The following ERICH1 variants were observed in gnomAD, a reference collection of about 807,000 sequenced individuals.
The protein encoded by ERICH1 is glutamate-rich protein 1.
In ERICH1, 56 loss-of-function variants were observed where a neutral mutation model predicts 39.6. The ratio of observed to expected loss-of-function variants is 1.41; its 90% confidence interval spans 1.14 to 1.77. The LOEUF (loss-of-function observed/expected upper bound fraction) is 1.77, where lower values mean the gene tolerates loss of function less well. Among genes scored for constraint, ERICH1 ranks in the 40% most tolerant of loss-of-function variants. ERICH1 has a pLI of 0.00. For missense variants in ERICH1, 826 were observed against 575.4 expected (o/e 1.44, Z -4.45); for synonymous variants, 313 against 223.6 (o/e 1.40, Z -3.57).
intron 2 of ERICH1, among the ~76,000 whole-genome samples, chr8:695,368 G>A (rs149022288): frequency 2.0e-5 from 3 of 151,978 alleles, no homozygotes; most frequent in African/African-American, 4.8e-5. Flanking sequence ...ACTGCCACAG[G>A]TACCTGCACA....
chr8:725,974 A>C (rs998798696), intron 1 of ERICH1: 2 of 152,444 alleles, frequency 1.3e-5, no homozygotes. Context: ...GGATTCTACC[A>C]CATCTGAGTA....
At chr8:619,541 C>A (rs1797147873) in intron 3 of ERICH1, among the ~76,000 whole-genome samples, 1 of 152,024 alleles carries the variant, frequency 6.6e-6, no homozygotes, top group South Asian at 2.1e-4. Context: ...CAGATAGTAA[C>A]CAGTATCCAC....
chr8:718,021 G>A (rs1006689543), intron 1 of ERICH1, among the ~76,000 whole-genome samples: 13 of 152,202 alleles, frequency 8.5e-5, no homozygotes, highest in Non-Finnish European at 1.6e-4. Context: ...GGTAAGGATC[G>A]GAGCGCACTG....
intron 3 of ERICH1, among the ~76,000 whole-genome samples, chr8:687,565 G>C (rs1441909584): frequency 6.6e-6 from 1 of 152,214 alleles, no homozygotes; most frequent in East Asian, 1.9e-4. Flanking sequence ...GGGAACCCGT[G>C]GAGGGAGGCA....
At chr8:703,482 AG>A (rs900766069) in intron 2 of ERICH1, among the ~76,000 whole-genome samples, 1 of 152,172 alleles carries the variant, frequency 6.6e-6, no homozygotes, top group African/African-American at 2.4e-5. Context: ...GGGGGCAGGC[AG>A]GCTGTGGAAG....
At chr8:629,406 G>A (rs957581112) in intron 3 of ERICH1, among the ~76,000 whole-genome samples, 10 of 142,816 alleles carry the variant, frequency 7.0e-5, no homozygotes, top group Non-Finnish European at 1.4e-4. Flanking sequence ...CACACACAGA[G>A]CTGACTCACA....
intron 1 of ERICH1, among the ~76,000 whole-genome samples, chr8:729,305 C>G (rs1245968632): frequency 6.6e-6 from 1 of 152,204 alleles, no homozygotes; most frequent in African/African-American, 2.4e-5. Flanking sequence ...GCGCCCAACC[C>G]CCACCTGCAA....
At position 616,517 on chromosome 8, in the gene ERICH1, T is replaced by C. The variant is rs569027619; in HGVS notation, c.977-1233A>G. ...GAGCACTGCTCCCAGGAATTTGGAG[T>C]TGATACCTGGGGACCACAACACGCA... On this transcript the variant is annotated intron_variant, in intron 3 of 3. Transcript: ENST00000522706. 5.3e-5 allele frequency: 24 copies of C among 455,208 alleles called. No individual in the cohort carries two copies. The Admixed American group carries it at 5.7e-4, about 11-fold the overall frequency. The allele number at this position is 455,208 out of a possible 1,614,324, so 28.2% of individuals were successfully genotyped here.
rs1563391592 is a variant in ERICH1 at position 731,120 on chromosome 8, T to G, written c.22+20A>C. On this transcript the variant is annotated intron_variant, in intron 1 of 5. Transcript: ENST00000262109. ...GCCGGGTCTGGGGTCTGGGCAGGCC[T>G]CCGCACCGCACCCACCTACCGTGCT... 1 of 1,506,286 alleles carries G rather than the reference T, an allele frequency of 6.6e-7. No individual in the cohort carries two copies. Among genetic ancestry groups the G allele is most frequent in the African/African-American group, 1.4e-5 (1 of 69,936 alleles). The allele number at this position is 1,506,286 out of a possible 1,614,324, so 93.3% of individuals were successfully genotyped here.
chr8:705,815 T>C (rs1377766238), intron 2 of ERICH1, among the ~76,000 whole-genome samples: 1 of 152,224 alleles, frequency 6.6e-6, no homozygotes, highest in East Asian at 1.9e-4. Flanking sequence ...CACAGTGATG[T>C]ACCACAAAAG....
At chr8:707,254 C>A (rs1346938531) in intron 2 of ERICH1, among the ~76,000 whole-genome samples, 1 of 145,098 alleles carries the variant, frequency 6.9e-6, no homozygotes, top group Admixed American at 7.2e-5. Flanking sequence ...ATCACCCAGG[C>A]TGGAGTGCAA....
intron 3 of ERICH1, among the ~76,000 whole-genome samples, chr8:655,890 G>A (rs776159248): frequency 1.3e-5 from 2 of 151,882 alleles, no homozygotes; most frequent in Admixed American, 6.6e-5. Flanking sequence ...CTCCACACAC[G>A]CAGGTGCAGA....
At chr8:628,426 G>C (rs1797724507) in intron 3 of ERICH1, among the ~76,000 whole-genome samples, 1 of 152,234 alleles carries the variant, frequency 6.6e-6, no homozygotes, top group Admixed American at 6.5e-5. Context: ...ATGGAGAGCA[G>C]GGCCTCCGCC....
At chr8:651,892 T>C (rs1164037076) in intron 3 of ERICH1, among the ~76,000 whole-genome samples, 2 of 152,208 alleles carry the variant, frequency 1.3e-5, no homozygotes, top group Non-Finnish European at 2.9e-5. Context: ...GTGTTTCATT[T>C]CCTCTTGATG....
intron 3 of ERICH1, among the ~76,000 whole-genome samples, chr8:637,136 C>G (rs971097377): frequency 2.0e-5 from 3 of 152,274 alleles, no homozygotes; most frequent in Admixed American, 6.5e-5. Flanking sequence ...TCTGCAGCCA[C>G]TGTGGCTTCT....
Position 641,522 on chromosome 8 carries a change from G to A in ERICH1, c.977-26238C>T, listed in dbSNP as rs114683983. ...TTGGTAAAGGTTAATAGCCTGTATC[G>A]TAATGTATTTCCTCAAAGGTGTCTC... On this transcript the variant is annotated intron_variant, in intron 3 of 3. Coordinates refer to the ERICH1 transcript ENST00000522706. 2.8e-3 allele frequency among the ~76,000 whole-genome samples: 427 copies of A among 152,370 alleles called. 2 individuals carry two copies. Among genetic ancestry groups the A allele is most frequent in the African/African-American group, 8.9e-3 (370 of 41,588 alleles).
At chr8:637,923 G>A (rs900794128) in intron 3 of ERICH1, among the ~76,000 whole-genome samples, 14 of 152,346 alleles carry the variant, frequency 9.2e-5, no homozygotes, top group African/African-American at 3.1e-4. Flanking sequence ...AAAATGCAGG[G>A]GCCAGGCTTT....
chr8:700,208 GGCGCACACACCCGCACAC>G (rs1815558551), intron 2 of ERICH1, among the ~76,000 whole-genome samples: 1 of 77,550 alleles, frequency 1.3e-5, no homozygotes, highest in Non-Finnish European at 2.5e-5. Context: ...GGCCGGCACA[GGCGCACACACCCGCACAC>G]GCGCACAGGC....
chr8:722,716 C>T (rs1446443589), intron 1 of ERICH1, among the ~76,000 whole-genome samples: 1 of 152,080 alleles, frequency 6.6e-6, no homozygotes, highest in Admixed American at 6.5e-5. Context: ...TTGCTATCAC[C>T]CTTATAAACT....
Sources: gnomAD v4.1 joint callset for allele counts (sites outside exome capture counted in the v4.1 genomes callset) on GRCh38, gnomAD v4.1.1 for gene constraint, MANE v1.5 for transcripts, NCBI Gene and HGNC (gene_info 2026-07-23, HGNC 2026-07-21) for gene names.